The following TCF20 variants were observed in gnomAD, a reference collection of about 807,000 sequenced individuals.
TCF20 encodes the protein transcription factor 20, also known as SPRE-binding protein.
Under a neutral mutation model 148.6 loss-of-function variants are expected in TCF20, and 3 were observed. That is an observed-to-expected ratio of 0.02 (90% confidence interval 0.01 to 0.05). The LOEUF is 0.05. TCF20 is among the 10% of genes least tolerant of loss of function. TCF20 has a pLI of 1.00. For synonymous variants in TCF20, 1,049 were observed against 909.5 expected (o/e 1.15, Z -2.76); for missense variants, 2,350 against 2,429.3 (o/e 0.97, Z 0.69).
intron 1 of TCF20, among the ~76,000 whole-genome samples, chr22:42,300,112 T>C (rs1260549847): frequency 6.6e-6 from 1 of 152,176 alleles, no homozygotes; most frequent in Non-Finnish European, 1.5e-5. Context: ...GAAGGAATTT[T>C]AAAACGAGGC....
intron 1 of TCF20, among the ~76,000 whole-genome samples, chr22:42,255,289 A>G (rs990565669): frequency 1.3e-5 from 2 of 152,096 alleles, no homozygotes; most frequent in African/African-American, 2.4e-5. Flanking sequence ...AATCGAGACC[A>G]TCTTGACCAA....
At position 42,214,181 on chromosome 22, in the gene TCF20, A is replaced by G; in HGVS notation, c.1125T>C (p.Ser375=). The G allele has an allele frequency of 6.2e-7, 1 of 1,614,242 alleles. No homozygotes were observed. Among genetic ancestry groups the G allele is most frequent in the Non-Finnish European group, 8.5e-7 (1 of 1,180,036 alleles). ...SPISNPSPAA[S]VVQSPSCSST... ...AACTACAGCTTGGAGACTGAACCACAGAGGCAGCTGGAGAAGGGTTAGAAA... is the reference window on the plus strand; with the variant it reads ...AACTACAGCTTGGAGACTGAACCACGGAGGCAGCTGGAGAAGGGTTAGAAA... The change falls in exon 2 of 6, where the codon TCT becomes TCC. Residue 375 remains serine (S), a synonymous_variant. Transcript: ENST00000677622.
At chr22:42,257,576 C>T (rs1353492391) in intron 1 of TCF20, among the ~76,000 whole-genome samples, 1 of 152,218 alleles carries the variant, frequency 6.6e-6, no homozygotes, top group Non-Finnish European at 1.5e-5. Flanking sequence ...TCTCAATGCA[C>T]TGGCAGGCAA....
At chr22:42,329,518 G>A (rs942589535) in intron 1 of TCF20, among the ~76,000 whole-genome samples, 1 of 152,256 alleles carries the variant, frequency 6.6e-6, no homozygotes, top group East Asian at 1.9e-4. Flanking sequence ...CATGAATGCC[G>A]AGCCAGAACG....
At chr22:42,239,794 A>C (rs1183315379) in intron 1 of TCF20, among the ~76,000 whole-genome samples, 3 of 152,232 alleles carry the variant, frequency 2.0e-5, no homozygotes, top group African/African-American at 7.2e-5. Context: ...CTCCGACTCA[A>C]AAATAAATAA....
rs1924961410 is a variant in TCF20, at chr22:42,246,943, G to C, written c.-37+23396C>G. On this transcript the variant is annotated intron_variant, in intron 1 of 5. Coordinates refer to ENST00000677622, the MANE Select transcript of TCF20 (RefSeq NM_001378418.1). Reference sequence around the variant, plus strand: ...ATTGCGCCACTGCACTCCAGCCTGGGGGACAGAGCAAGACTCTGTCTCAAA... The same window carrying C: ...ATTGCGCCACTGCACTCCAGCCTGGCGGACAGAGCAAGACTCTGTCTCAAA... Among the ~76,000 whole-genome samples the C allele has an allele frequency of 2.0e-5, 3 of 150,162 alleles. No homozygotes were observed. In the South Asian group the frequency reaches 6.4e-4, roughly 32 times the overall value.
chr22:42,195,030 G>T (rs1937519729), intron 2 of TCF20, among the ~76,000 whole-genome samples: 1 of 151,208 alleles, frequency 6.6e-6, no homozygotes, highest in South Asian at 2.1e-4. Context: ...TTCTGAAATG[G>T]TCATTGTGCA....
chr22:42,201,454 T>G (rs915744474), intron 2 of TCF20, among the ~76,000 whole-genome samples: 8 of 152,134 alleles, frequency 5.3e-5, no homozygotes, highest in Non-Finnish European at 1.2e-4. Flanking sequence ...AGTGCTGACA[T>G]GTTAAAAAGT....
At chr22:42,265,725 C>T (rs181409744) in intron 1 of TCF20, among the ~76,000 whole-genome samples, 2 of 152,322 alleles carry the variant, frequency 1.3e-5, no homozygotes, top group East Asian at 1.9e-4. Flanking sequence ...AAAGAACTGT[C>T]TTTGGTAAAT....
At chr22:42,231,954 T>C (rs1403184678) in intron 1 of TCF20, among the ~76,000 whole-genome samples, 1 of 148,252 alleles carries the variant, frequency 6.7e-6, no homozygotes, top group African/African-American at 2.5e-5. Flanking sequence ...AAAGTTACAG[T>C]AATCTAAGGT....
At chr22:42,162,980 A>G (rs572115812) in intron 5 of TCF20, among the ~76,000 whole-genome samples, 2 of 152,338 alleles carry the variant, frequency 1.3e-5, no homozygotes, top group South Asian at 4.1e-4. Flanking sequence ...CCAGCAGTTG[A>G]GCTAATGGGC....
intron 1 of TCF20, among the ~76,000 whole-genome samples, chr22:42,329,272 A>G (rs1927928268): frequency 6.6e-6 from 1 of 152,180 alleles, no homozygotes; most frequent in Admixed American, 6.5e-5. Context: ...CATCCCCAGC[A>G]CACAGGCTGC....
chr22:42,277,090 T>C (rs930824079), intron 1 of TCF20: 22 of 152,280 alleles, frequency 1.4e-4, no homozygotes, highest in African/African-American at 4.8e-4. Context: ...CCAGGTCTCA[T>C]TCTGCCTCTC....
chr22:42,247,436 T>A (rs1173679235), intron 1 of TCF20, among the ~76,000 whole-genome samples: 1 of 105,048 alleles, frequency 9.5e-6, no homozygotes, highest in African/African-American at 4.2e-5. Flanking sequence ...CGAGACTCCA[T>A]CTCAAAAAAA....
rs186433782 is a variant in TCF20 at position 42,251,962 on chromosome 22, G to A, written c.-37+18377C>T. Among the ~76,000 whole-genome samples, 63 of 151,758 alleles carry A rather than the reference G, an allele frequency of 4.2e-4. 1 individual carries two copies. The highest frequency in any genetic ancestry group is 6.5e-4 in the Non-Finnish European group (44 of 67,918). ...CTCATGCCTGTAATCCCAGCACTTC[G>A]GGAGGCTGAGGTGGGCAGATCACCT... On this transcript the variant is annotated intron_variant, in intron 1 of 5. Transcript: ENST00000677622.
chr22:42,199,014 C>G (rs1003852278), intron 2 of TCF20, among the ~76,000 whole-genome samples: 3 of 152,062 alleles, frequency 2.0e-5, no homozygotes, highest in African/African-American at 7.2e-5. Flanking sequence ...GAATGCAGAA[C>G]CCATGAATAT....
chr22:42,213,212 A>C lies in TCF20; in HGVS notation c.2094T>G (p.Pro698=), dbSNP rs112244820. ...AGCGCAGACTTCCAGGAGATTTGCT[A>C]GGCTCAGTTCTGCTCGTAAAACCAG... ...AGPGFTSRTE[P]SKSPGSLRYS... is the part of the protein sequence containing the mutation. The change falls in exon 2 of 6, where the codon CCT becomes CCG. Residue 698 remains proline (P), a synonymous_variant. Coordinates refer to ENST00000677622, the MANE Select transcript of TCF20 (RefSeq NM_001378418.1). The C allele has an allele frequency of 6.8e-6, 11 of 1,614,170 alleles. No homozygotes were observed. The highest frequency in any genetic ancestry group is 4.0e-5 in the African/African-American group (3 of 75,026).
chr22:42,178,585 CTTTTTTT>C (rs71184870), intron 3 of TCF20, among the ~76,000 whole-genome samples: 7 of 78,428 alleles, frequency 8.9e-5, no homozygotes, highest in African/African-American at 9.9e-5. Flanking sequence ...ACAAATAATT[CTTTTTTT>C]TTTTTTTTTT....
intron 1 of TCF20, among the ~76,000 whole-genome samples, chr22:42,216,128 C>A (rs1353665921): frequency 2.8e-5 from 3 of 106,928 alleles, no homozygotes; most frequent in African/African-American, 1.2e-4. Flanking sequence ...CTCACTCTTG[C>A]CCAGGCTGGA....
Sources: gnomAD v4.1 joint callset for allele counts (sites outside exome capture counted in the v4.1 genomes callset) on GRCh38, gnomAD v4.1.1 for gene constraint, MANE v1.5 for transcripts, NCBI Gene and HGNC (gene_info 2026-07-23, HGNC 2026-07-21) for gene names.